CCDC83: variants seen among roughly 807,000 people sequenced by gnomAD.
CCDC83 encodes coiled-coil domain-containing protein 83.
Under a neutral mutation model 50.1 loss-of-function variants are expected in CCDC83, and 54 were observed. The observed-to-expected ratio is 1.08, with a 90% CI of 0.87 to 1.35. The LOEUF is 1.35. Ranked by LOEUF, CCDC83 falls within the 40% of genes most tolerant of loss-of-function variation. The pLI, the probability that CCDC83 is intolerant of heterozygous loss-of-function variation, is 0.00. For missense variants in CCDC83, 518 were observed against 473.9 expected, an observed-to-expected ratio of 1.09 and a Z score of -0.86; for synonymous variants, 161 against 153.3, an observed-to-expected ratio of 1.05 and a Z score of -0.37.
intron 1 of CCDC83, among the ~76,000 whole-genome samples, chr11:85,859,173 A>AC (rs2093160652): frequency 2.0e-5 from 3 of 149,176 alleles, no homozygotes; most frequent in African/African-American, 7.4e-5. Flanking sequence ...AAAAAAAAAA[A>AC]AAAAAAACCC....
intron 4 of CCDC83, among the ~76,000 whole-genome samples, chr11:85,885,649 G>A (rs1007280069): frequency 6.6e-6 from 1 of 152,182 alleles, no homozygotes; most frequent in Non-Finnish European, 1.5e-5. Flanking sequence ...TTTACCAAAG[G>A]GGGGTGGGAA....
At position 85,885,523 on chromosome 11, in the gene CCDC83, A is replaced by G. The variant is rs193253893; in HGVS notation, c.344-677A>G. On this transcript the variant is annotated intron_variant, in intron 4 of 10. Transcript: ENST00000342404. ...TTCTTTTTCAAAAATATTCAGCAAC[A>G]TGATATTCGGCCTAAAGATTGAATA... Among the ~76,000 whole-genome samples, 6 of 152,374 alleles carry G rather than the reference A, an allele frequency of 3.9e-5. No homozygotes were observed. In the East Asian group the frequency reaches 9.6e-4, roughly 24 times the overall value.
chr11:85,881,761 T>C (rs865837952), intron 3 of CCDC83, among the ~76,000 whole-genome samples: 2 of 152,196 alleles, frequency 1.3e-5, no homozygotes, highest in African/African-American at 4.8e-5. Context: ...GTATGCTAAT[T>C]GTTTTTCTCC....
intron 5 of CCDC83, among the ~76,000 whole-genome samples, chr11:85,891,677 T>G (rs1483004718): frequency 6.6e-6 from 1 of 152,228 alleles, no homozygotes. Context: ...AATGTTAATT[T>G]TCTTGCCTAT....
chr11:85,912,210 T>C (rs1238237642), intron 8 of CCDC83, among the ~76,000 whole-genome samples: 2 of 152,218 alleles, frequency 1.3e-5, no homozygotes, highest in Admixed American at 1.3e-4. Context: ...CCTGGTGGAA[T>C]AGCCAGGAAA....
rs973147985 is a variant in CCDC83, at chr11:85,907,889, G to C, written c.673-3392G>C. On this transcript the variant is annotated intron_variant, in intron 7 of 10. Transcript: ENST00000342404. ...TGTGTGCTACCTCCCAAGCATGCCA[G>C]GCCCTTAGGTCAAACATCTCCCAAA... 3.3e-5 allele frequency among the ~76,000 whole-genome samples: 5 copies of C among 152,246 alleles called. No homozygotes were observed. The South Asian group carries it at 1.0e-3, about 32-fold the overall frequency.
At chr11:85,859,672 A>C (rs2093163993) in intron 1 of CCDC83, among the ~76,000 whole-genome samples, 1 of 152,244 alleles carries the variant, frequency 6.6e-6, no homozygotes, top group Admixed American at 6.5e-5. Flanking sequence ...AAATTAACTC[A>C]AGATGAATTA....
intron 3 of CCDC83, among the ~76,000 whole-genome samples, chr11:85,878,523 C>A (rs1409109321): frequency 1.3e-5 from 2 of 152,198 alleles, no homozygotes; most frequent in African/African-American, 2.4e-5. Context: ...CAGTTAGTTT[C>A]TTTGTATTGC....
At chr11:85,901,187 T>G (rs1324722229) in intron 7 of CCDC83, among the ~76,000 whole-genome samples, 8 of 152,022 alleles carry the variant, frequency 5.3e-5, no homozygotes, top group Admixed American at 5.3e-4. Flanking sequence ...GGCAACATGG[T>G]GAAACTCCAT....
At chr11:85,901,709 TA>T (rs2093403226) in intron 7 of CCDC83, among the ~76,000 whole-genome samples, 2 of 148,348 alleles carry the variant, frequency 1.3e-5, no homozygotes, top group East Asian at 3.9e-4. Context: ...AATATCCAAC[TA>T]ATACAAATAC....
chr11:85,870,337 A>G (rs997509929), intron 2 of CCDC83, among the ~76,000 whole-genome samples: 4 of 152,222 alleles, frequency 2.6e-5, no homozygotes, highest in Admixed American at 6.5e-5. Context: ...ACCAATGAAG[A>G]CCACATCTTG....
chr11:85,902,707 C>T (rs776681594), intron 7 of CCDC83, among the ~76,000 whole-genome samples: 96 of 152,174 alleles, frequency 6.3e-4, no homozygotes, highest in Non-Finnish European at 9.7e-4. Flanking sequence ...GTTAAGTCAC[C>T]CCTGTGTATA....
At chr11:85,881,611 G>T (rs971606252) in intron 3 of CCDC83, among the ~76,000 whole-genome samples, 16 of 151,966 alleles carry the variant, frequency 1.1e-4, no homozygotes, top group Non-Finnish European at 2.4e-4. Context: ...TAGAGACAGG[G>T]TATCACTATG....
At chr11:85,905,539 G>T (rs2093421446) in intron 7 of CCDC83, among the ~76,000 whole-genome samples, 1 of 151,722 alleles carries the variant, frequency 6.6e-6, no homozygotes, top group Non-Finnish European at 1.5e-5. Context: ...GAACCCGGGA[G>T]GTGGAGGTTG....
intron 10 of CCDC83, 109 bp downstream of exon 10, chr11:85,916,342 G>T: frequency 1.2e-6 from 1 of 849,702 alleles, no homozygotes; most frequent in Non-Finnish European, 1.9e-6. Flanking sequence ...AATTCCATTT[G>T]CAATTATTAG....
chr11:85,882,006 T>C (rs896565481), intron 3 of CCDC83, among the ~76,000 whole-genome samples: 5 of 152,106 alleles, frequency 3.3e-5, no homozygotes, highest in Non-Finnish European at 5.9e-5. Context: ...CCTCTAATAC[T>C]CCAGTAACAT....
rs182355500 is a variant in CCDC83 at position 85,892,705 on chromosome 11, T to A, written c.512-2588T>A. 2.0e-3 allele frequency among the ~76,000 whole-genome samples: 301 copies of A among 152,316 alleles called. 1 individual carries two copies. Among genetic ancestry groups the A allele is most frequent in the African/African-American group, 6.9e-3 (287 of 41,566 alleles). On this transcript the variant is annotated intron_variant, in intron 5 of 10. Coordinates refer to ENST00000342404, the MANE Select transcript of CCDC83 (RefSeq NM_001286159.2). ...GATCCATTGCAACTTTTAGATTGAT[T>A]ATTGTGTTTTGTTGGGTAGAAGTTC...
intron 6 of CCDC83, among the ~76,000 whole-genome samples, chr11:85,897,299 G>C (rs2135088106): frequency 6.6e-6 from 1 of 152,326 alleles, no homozygotes; most frequent in Middle Eastern, 3.4e-3. Context: ...CTTGCCTAGA[G>C]CAAGTGGGAG....
At chr11:85,896,400 C>CAAAAAAAAAAAAAAAAAAAAAA (rs58450617) in intron 6 of CCDC83, among the ~76,000 whole-genome samples, 1 of 50,504 alleles carries the variant, frequency 2.0e-5, no homozygotes, top group Non-Finnish European at 3.7e-5. Flanking sequence ...GACCTTGTCT[C>CAAAAAAAAAAAAAAAAAAAAAA]AAAAAAAAAA....
Sources: gnomAD v4.1 joint callset for allele counts (sites outside exome capture counted in the v4.1 genomes callset) on GRCh38, gnomAD v4.1.1 for gene constraint, MANE v1.5 for transcripts, NCBI Gene and HGNC (gene_info 2026-07-23, HGNC 2026-07-21) for gene names.